Variants in GRIK3 observed in about 807,000 individuals in gnomAD.
The protein encoded by GRIK3 is glutamate ionotropic receptor kainate type subunit 3.
Under a neutral mutation model 102.5 loss-of-function variants are expected in GRIK3, and 29 were observed. The ratio of observed to expected loss-of-function variants is 0.28; its 90% CI spans 0.21 to 0.39. The LOEUF (loss-of-function observed/expected upper bound fraction) is 0.39, where lower values mean the gene tolerates loss of function less well. Among genes scored for constraint, GRIK3 ranks in the 10% least tolerant of loss-of-function variants. The pLI is 1.00. For synonymous variants in GRIK3, 511 were observed against 504.9 expected, an observed-to-expected ratio of 1.01 and a Z score of -0.16; for missense variants, 908 against 1,252.4, an observed-to-expected ratio of 0.73 and a Z score of 4.15.
chr1:36,898,931 A>C (rs1238939261), intron 1 of GRIK3, among the ~76,000 whole-genome samples: 2 of 152,188 alleles, frequency 1.3e-5, no homozygotes, highest in Non-Finnish European at 2.9e-5. Context: ...CTGAATGGGG[A>C]AAGGATAGTC....
At chr1:36,878,883 A>G (rs1640936707) in intron 3 of GRIK3, among the ~76,000 whole-genome samples, 1 of 152,184 alleles carries the variant, frequency 6.6e-6, no homozygotes, top group African/African-American at 2.4e-5. Flanking sequence ...CTTGGTTCGC[A>G]GCAGGTAAAC....
intron 10 of GRIK3, among the ~76,000 whole-genome samples, chr1:36,831,618 T>C (rs1557695943): frequency 6.6e-6 from 1 of 152,240 alleles, no homozygotes; most frequent in Non-Finnish European, 1.5e-5. Context: ...TCATGCGTGA[T>C]CTAGTCCAGT....
chr1:36,884,212 G>A (rs535188988), intron 2 of GRIK3, among the ~76,000 whole-genome samples: 17 of 152,348 alleles, frequency 1.1e-4, no homozygotes, highest in African/African-American at 3.8e-4. Flanking sequence ...TCTTGTTCCT[G>A]CTCTTGTCAC....
intron 1 of GRIK3, among the ~76,000 whole-genome samples, chr1:37,010,128 T>C (rs973178683): frequency 7.9e-5 from 12 of 152,086 alleles, no homozygotes; most frequent in Non-Finnish European, 1.5e-4. Context: ...GAGAAAAAGA[T>C]CCACAGATGT....
intron 1 of GRIK3, among the ~76,000 whole-genome samples, chr1:36,940,771 T>C (rs1406743502): frequency 1.3e-5 from 2 of 152,172 alleles, no homozygotes; most frequent in Non-Finnish European, 2.9e-5. Context: ...TGCAAAGGAT[T>C]TCTCCTGAAA....
chr1:36,982,838 G>A (rs1190758329), intron 1 of GRIK3, among the ~76,000 whole-genome samples: 1 of 146,928 alleles, frequency 6.8e-6, no homozygotes, highest in East Asian at 2.2e-4. Flanking sequence ...GAAGGAGGGG[G>A]AGCGCCTGCC....
chr1:36,933,356 T>G (rs1215305096), intron 1 of GRIK3, among the ~76,000 whole-genome samples: 3 of 152,226 alleles, frequency 2.0e-5, no homozygotes, highest in Non-Finnish European at 2.9e-5. Flanking sequence ...CACCACTCCA[T>G]GTGCTGCCTG....
At chr1:36,915,238 A>G (rs1042886142) in intron 1 of GRIK3, among the ~76,000 whole-genome samples, 3 of 151,934 alleles carry the variant, frequency 2.0e-5, no homozygotes, top group Non-Finnish European at 4.4e-5. Context: ...CTTAATATCT[A>G]TTTGCTGTCT....
chr1:36,944,328 C>T (rs942797394), intron 1 of GRIK3, among the ~76,000 whole-genome samples: 12 of 152,182 alleles, frequency 7.9e-5, no homozygotes, highest in African/African-American at 9.7e-5. Flanking sequence ...GGTTGAAGAA[C>T]GTTGTGCCCT....
chr1:36,943,568 T>C (rs1322891233), intron 1 of GRIK3, among the ~76,000 whole-genome samples: 1 of 152,256 alleles, frequency 6.6e-6, no homozygotes, highest in Admixed American at 6.5e-5. Context: ...CTGAGGCATC[T>C]CATTAGTCTC....
intron 1 of GRIK3, among the ~76,000 whole-genome samples, chr1:36,894,676 A>G (rs1641153698): frequency 6.6e-6 from 1 of 152,224 alleles, no homozygotes. Context: ...GTGTGCAGGT[A>G]GGAAAACCGA....
In GRIK3 at chr1:36,806,420, G is replaced by T; in HGVS notation, c.2092-94C>A. 1.4e-6 allele frequency: 1 copy of T among 701,634 alleles called. No individual in the cohort carries two copies. Among genetic ancestry groups the T allele is most frequent in the Non-Finnish European group, 2.4e-6 (1 of 408,522 alleles). 43.5% of individuals were successfully genotyped at this position (701,634 alleles called of 1,614,324 possible). ...CCTGCACAACGTGGGTTGGGGCCTT[G>T]AACTCGGTCTACAATCTTCAGAGAA... is the stretch of plus-strand genomic sequence containing the variant. On this transcript the variant is annotated intron_variant, in intron 13 of 15. Coordinates refer to ENST00000373091, the MANE Select transcript of GRIK3 (RefSeq NM_000831.4). The surrounding 1 kb of genome is among the most constrained non-coding windows in gnomAD (Gnocchi z 4.0).
chr1:36,943,694 A>G (rs1017456798), intron 1 of GRIK3, among the ~76,000 whole-genome samples: 3 of 152,246 alleles, frequency 2.0e-5, no homozygotes, highest in Non-Finnish European at 2.9e-5. Context: ...ATAGTAGCAG[A>G]ATTAATGATA....
In GRIK3 at chr1:36,801,914, G is replaced by A; in HGVS notation, c.2697C>T (p.Asp899=). The A allele has an allele frequency of 6.2e-7, 1 of 1,614,056 alleles. No individual in the cohort carries two copies. The highest frequency in any genetic ancestry group is 2.2e-5 in the East Asian group (1 of 44,890). ...DAVINMHTFN[D]RRLPGKDSMA... is the part of the protein sequence containing the mutation. The stretch of plus-strand genomic sequence containing the variant: ...TGCTGTCCTTGCCGGGAAGCCGGCG[G>A]TCATTGAATGTGTGCATGTTGATGA... The change falls in exon 16 of 16, where the codon GAC becomes GAT. Residue 899 remains aspartate (D), a synonymous_variant. Coordinates refer to ENST00000373091, the MANE Select transcript of GRIK3 (RefSeq NM_000831.4).
chr1:36,851,176 CA>C (rs1243635284), intron 8 of GRIK3, among the ~76,000 whole-genome samples: 1 of 151,042 alleles, frequency 6.6e-6, no homozygotes, highest in East Asian at 1.9e-4. Context: ...GACACTTAAT[CA>C]ATTAAACAGA....
chr1:36,882,847 CA>C (rs147340184), intron 2 of GRIK3, among the ~76,000 whole-genome samples: 1,913 of 152,310 alleles, frequency 0.013, 37 homozygotes, highest in African/African-American at 0.042. Context: ...GCCCACCAGG[CA>C]AAACCCTGGA....
At chr1:36,992,076 C>T (rs1000262242) in intron 1 of GRIK3, among the ~76,000 whole-genome samples, 2 of 152,254 alleles carry the variant, frequency 1.3e-5, no homozygotes, top group Non-Finnish European at 2.9e-5. Context: ...GGAGCTGACA[C>T]TCTTCCATTG....
intron 1 of GRIK3, among the ~76,000 whole-genome samples, chr1:36,941,821 G>A (rs186646427): frequency 1.2e-4 from 19 of 152,002 alleles, no homozygotes; most frequent in Admixed American, 2.0e-4. Flanking sequence ...CTTTTAAAGG[G>A]GAGCAGAATT....
intron 1 of GRIK3, among the ~76,000 whole-genome samples, chr1:36,945,164 G>T (rs1641768746): frequency 1.3e-5 from 2 of 152,282 alleles, no homozygotes. Flanking sequence ...TCAAAGGCCG[G>T]TGTCGAGCTA....
Sources: gnomAD v4.1 joint callset for allele counts (sites outside exome capture counted in the v4.1 genomes callset) on GRCh38, gnomAD v4.1.1 for gene constraint, Gnocchi (gnomAD v3.1) non-coding constraint, MANE v1.5 for transcripts, NCBI Gene and HGNC (gene_info 2026-07-23, HGNC 2026-07-21) for gene names.